The following USP32 variants were observed in gnomAD, a reference collection of about 807,000 sequenced individuals.
USP32 encodes the protein ubiquitin carboxyl-terminal hydrolase 32.
Under a neutral mutation model 204.8 loss-of-function variants are expected in USP32, and 59 were observed. The ratio of observed to expected loss-of-function variants is 0.29; its 90% CI spans 0.23 to 0.36. The LOEUF is 0.36. Ranked by LOEUF, USP32 falls within the 10% of genes least tolerant of loss-of-function variation. USP32 has a pLI of 1.00. For synonymous variants in USP32, 517 were observed against 678.4 expected, an observed-to-expected ratio of 0.76 and a Z score of 3.70; for missense variants, 1,160 against 1,946.4, an observed-to-expected ratio of 0.60 and a Z score of 7.60.
chr17:60,358,522 C>T (rs1167328208), intron 1 of USP32, among the ~76,000 whole-genome samples: 4 of 151,934 alleles, frequency 2.6e-5, no homozygotes, highest in Non-Finnish European at 4.4e-5. Context: ...TGCAGTGAGC[C>T]GAGATCATGC....
At chr17:60,327,369 A>C (rs551459968) in intron 2 of USP32, among the ~76,000 whole-genome samples, 1 of 135,714 alleles carries the variant, frequency 7.4e-6, no homozygotes, top group Non-Finnish European at 1.6e-5. Context: ...GCTCCACGTC[A>C]CCGAAGCAGC....
chr17:60,308,761 C>T (rs1003597302), intron 2 of USP32, among the ~76,000 whole-genome samples: 3 of 152,150 alleles, frequency 2.0e-5, no homozygotes, highest in African/African-American at 7.2e-5. Flanking sequence ...AACCCTGTCT[C>T]TACTAAAAGT....
chr17:60,355,948 T>C (rs1353261386), intron 1 of USP32, among the ~76,000 whole-genome samples: 1 of 133,454 alleles, frequency 7.5e-6, no homozygotes, highest in Non-Finnish European at 1.6e-5. Flanking sequence ...TCTATTCCCA[T>C]CACCTTCTCC....
chr17:60,277,043 T>G (rs967797518), intron 5 of USP32, among the ~76,000 whole-genome samples: 2 of 151,988 alleles, frequency 1.3e-5, no homozygotes, highest in Non-Finnish European at 2.9e-5. Flanking sequence ...TATTTTCACT[T>G]ACAGAAGTTT....
chr17:60,228,725 G>A (rs1482499666), intron 12 of USP32, among the ~76,000 whole-genome samples: 1 of 151,980 alleles, frequency 6.6e-6, no homozygotes, highest in Non-Finnish European at 1.5e-5. Flanking sequence ...TTGAGAGGCT[G>A]AGGTGGGAGG....
intron 2 of USP32, among the ~76,000 whole-genome samples, chr17:60,330,442 T>C (rs566921345): frequency 6.6e-6 from 1 of 152,144 alleles, no homozygotes; most frequent in Admixed American, 6.5e-5. Flanking sequence ...TAGATTTCTT[T>C]CTTTTCTTTT....
chr17:60,196,272 A>G (rs1176683200), intron 27 of USP32, among the ~76,000 whole-genome samples: 6 of 151,190 alleles, frequency 4.0e-5, no homozygotes, highest in Admixed American at 2.0e-4. Flanking sequence ...CCCCACGCCA[A>G]AAAAAGAAAA....
intron 1 of USP32, among the ~76,000 whole-genome samples, chr17:60,377,786 C>A (rs186107278): frequency 4.6e-5 from 7 of 152,250 alleles, no homozygotes; most frequent in African/African-American, 1.7e-4. Context: ...CTAGGGAAGT[C>A]TTTTGGGTTT....
intron 1 of USP32, among the ~76,000 whole-genome samples, chr17:60,362,838 AG>A (rs1002222137): frequency 6.6e-5 from 10 of 151,710 alleles, no homozygotes; most frequent in African/African-American, 1.9e-4. Context: ...CCCTCAGGAG[AG>A]GAAAAAAAAA....
At chr17:60,272,783 A>G (rs1222590886) in intron 5 of USP32, among the ~76,000 whole-genome samples, 1 of 152,146 alleles carries the variant, frequency 6.6e-6, no homozygotes, top group Non-Finnish European at 1.5e-5. Flanking sequence ...TTGAGTTAAG[A>G]AGATAGGTTG....
At chr17:60,392,196 C>CTCTCTCTCT, upstream of USP32, 1 of 532,916 alleles carries the variant, frequency 1.9e-6, no homozygotes, top group Non-Finnish European at 3.3e-6. Context: ...CCTCTCTCTC[C>CTCTCTCTCT]TCCCTCTCCT....
At chr17:60,308,815 C>A (rs2087788288) in intron 2 of USP32, among the ~76,000 whole-genome samples, 2 of 152,146 alleles carry the variant, frequency 1.3e-5, no homozygotes, top group Non-Finnish European at 2.9e-5. Flanking sequence ...GTAATCCCAG[C>A]TACTCAGGAG....
chr17:60,236,036 A>T (rs369849688), intron 12 of USP32, 102 bp downstream of exon 12: 1 of 902,946 alleles, frequency 1.1e-6, no homozygotes, highest in Non-Finnish European at 1.8e-6. Context: ...AAGTTGGAGC[A>T]TTTTATTATT....
At chr17:60,326,934 T>C (rs117732275) in intron 2 of USP32, among the ~76,000 whole-genome samples, 32 of 151,748 alleles carry the variant, frequency 2.1e-4, no homozygotes, top group African/African-American at 7.5e-4. Context: ...GTTGATCTCA[T>C]AGAAGTAGAG....
chr17:60,189,499 A>T (rs1179359435), intron 29 of USP32, among the ~76,000 whole-genome samples: 3 of 152,176 alleles, frequency 2.0e-5, no homozygotes, highest in African/African-American at 4.8e-5. Context: ...AACTCCTTTG[A>T]CTCTGTTGTT....
At chr17:60,386,774 C>T (rs575680664) in intron 1 of USP32, among the ~76,000 whole-genome samples, 2 of 152,166 alleles carry the variant, frequency 1.3e-5, no homozygotes, top group African/African-American at 2.4e-5. Context: ...GCTCATCCCC[C>T]AAAATCCAGA....
intron 1 of USP32, among the ~76,000 whole-genome samples, chr17:60,356,229 A>T (rs1298232136): frequency 1.3e-5 from 2 of 152,198 alleles, no homozygotes; most frequent in Admixed American, 1.3e-4. Context: ...TGCCTGAGAA[A>T]GCAGTGGCAG....
At chr17:60,405,599 A>G (rs928314216) in intron 1 of USP32, among the ~76,000 whole-genome samples, 3 of 152,132 alleles carry the variant, frequency 2.0e-5, no homozygotes, top group African/African-American at 7.2e-5. Context: ...CCATCGCTAC[A>G]AAAATACAAA....
chr17:60,404,058 AAAG>A (rs2089957481), intron 1 of USP32, among the ~76,000 whole-genome samples: 1 of 151,900 alleles, frequency 6.6e-6, no homozygotes, highest in African/African-American at 2.4e-5. Context: ...AAAAAAAGGA[AAAG>A]AAAAAAAGAA....
Sources: gnomAD v4.1 joint callset for allele counts (sites outside exome capture counted in the v4.1 genomes callset) on GRCh38, gnomAD v4.1.1 for gene constraint, MANE v1.5 for transcripts, NCBI Gene and HGNC (gene_info 2026-07-23, HGNC 2026-07-21) for gene names.